Variants in ATP6V1H observed in about 807,000 individuals in gnomAD.
ATP6V1H encodes the protein V-type proton ATPase subunit H.
Under a neutral mutation model 71.7 loss-of-function variants are expected in ATP6V1H, and 39 were observed. The observed-to-expected ratio is 0.54, with a 90% confidence interval of 0.42 to 0.71. ATP6V1H has a LOEUF of 0.71. ATP6V1H is among the 30% of genes least tolerant of loss of function. ATP6V1H has a pLI of 0.00. For missense variants in ATP6V1H, 509 were observed against 594.9 expected (o/e 0.86, Z 1.50); for synonymous variants, 192 against 199.3 (o/e 0.96, Z 0.31).
At chr8:53,779,964 G>C (rs559646610) in intron 9 of ATP6V1H, among the ~76,000 whole-genome samples, 44 of 152,152 alleles carry the variant, frequency 2.9e-4, no homozygotes, top group Non-Finnish European at 5.6e-4. Flanking sequence ...TTCTAGACCA[G>C]CCTGGCCAAC....
chr8:53,746,928 G>A (rs553548542), intron 12 of ATP6V1H, among the ~76,000 whole-genome samples: 1 of 152,140 alleles, frequency 6.6e-6, no homozygotes, highest in Non-Finnish European at 1.5e-5. Flanking sequence ...TTCAAAACAA[G>A]TTAAGTCAAT....
intron 13 of ATP6V1H, among the ~76,000 whole-genome samples, chr8:53,728,328 A>G (rs1256768810): frequency 6.6e-6 from 1 of 152,226 alleles, no homozygotes; most frequent in African/African-American, 2.4e-5. Context: ...AAGGGGGCAC[A>G]TGCAGACTCA....
intron 2 of ATP6V1H, among the ~76,000 whole-genome samples, chr8:53,840,546 C>G (rs1811313184): frequency 6.6e-6 from 1 of 151,856 alleles, no homozygotes; most frequent in African/African-American, 2.4e-5. Flanking sequence ...ATACATCTGA[C>G]TTCCCTACTA....
At chr8:53,818,885 A>G (rs1178374781) in intron 4 of ATP6V1H, among the ~76,000 whole-genome samples, 1 of 152,200 alleles carries the variant, frequency 6.6e-6, no homozygotes, top group Non-Finnish European at 1.5e-5. Context: ...CCATGCAACT[A>G]AAATTTTACA....
At chr8:53,724,529 T>C (rs1197188587) in intron 13 of ATP6V1H, among the ~76,000 whole-genome samples, 1 of 151,686 alleles carries the variant, frequency 6.6e-6, no homozygotes, top group East Asian at 1.9e-4. Flanking sequence ...ATGGAAGTGT[T>C]GAGAGGCAAC....
At chr8:53,782,892 C>G (rs1809212758) in intron 9 of ATP6V1H, among the ~76,000 whole-genome samples, 1 of 152,116 alleles carries the variant, frequency 6.6e-6, no homozygotes, top group South Asian at 2.1e-4. Context: ...GGGATGAAGC[C>G]CACTTGATCA....
chr8:53,770,840 A>G (rs2130316081), intron 10 of ATP6V1H, among the ~76,000 whole-genome samples: 1 of 152,382 alleles, frequency 6.6e-6, no homozygotes, highest in Non-Finnish European at 1.5e-5. Context: ...AGTTTTTAAT[A>G]AACATAGGAA....
Position 53,751,586 on chromosome 8 carries a change from G to T in ATP6V1H, c.1277+4969C>A, listed in dbSNP as rs138426226. On this transcript the variant is annotated intron_variant, in intron 12 of 13. Transcript: ENST00000359530. ...CTTCTTCACTGGCATTATTTTTACTGAGGTAATAGAAAATGGTCACTGTTA... is the reference window on the plus strand; with the variant it reads ...CTTCTTCACTGGCATTATTTTTACTTAGGTAATAGAAAATGGTCACTGTTA... Among the ~76,000 whole-genome samples, 623 of 152,236 alleles carry T rather than the reference G, an allele frequency of 4.1e-3. 1 individual carries two copies. The highest frequency in any genetic ancestry group is 0.014 in the African/African-American group (590 of 41,532).
At chr8:53,768,181 G>T (rs2130305965) in intron 11 of ATP6V1H, among the ~76,000 whole-genome samples, 1 of 152,248 alleles carries the variant, frequency 6.6e-6, no homozygotes, top group African/African-American at 2.4e-5. Context: ...CACATGAAAA[G>T]ATGCTTGACA....
intron 13 of ATP6V1H, among the ~76,000 whole-genome samples, chr8:53,726,798 G>A (rs1342826944): frequency 6.6e-6 from 1 of 152,028 alleles, no homozygotes; most frequent in Non-Finnish European, 1.5e-5. Context: ...GCTCCCTCCT[G>A]CTATCTGTGG....
chr8:53,829,832 G>A (rs1810948666), intron 3 of ATP6V1H, among the ~76,000 whole-genome samples: 1 of 152,110 alleles, frequency 6.6e-6, no homozygotes, highest in Admixed American at 6.6e-5. Context: ...AAGTTATATA[G>A]GCAATCAAAA....
intron 2 of ATP6V1H, chr8:53,839,881 A>G (rs978501823): frequency 1.0e-6 from 1 of 985,304 alleles, no homozygotes; most frequent in African/African-American, 1.7e-5. Context: ...ATCAAGTCCA[A>G]ACTCCTTCCA....
chr8:53,832,888 T>C (rs978249332), intron 3 of ATP6V1H, 96 bp downstream of exon 3: 3 of 745,476 alleles, frequency 4.0e-6, no homozygotes, highest in Non-Finnish European at 4.5e-6. Context: ...CTTTCCAAAT[T>C]AGCAAGAAAA....
intron 4 of ATP6V1H, among the ~76,000 whole-genome samples, chr8:53,828,612 A>G (rs1462287710): frequency 6.6e-6 from 1 of 152,128 alleles, no homozygotes; most frequent in South Asian, 2.1e-4. Flanking sequence ...CCTGATATTG[A>G]TCCTTCCTCA....
At chr8:53,754,499 A>C (rs1807921216) in intron 12 of ATP6V1H, among the ~76,000 whole-genome samples, 1 of 152,154 alleles carries the variant, frequency 6.6e-6, no homozygotes, top group Non-Finnish European at 1.5e-5. Context: ...CCTGGACTCA[A>C]CCACCTAAAC....
In ATP6V1H at chr8:53,820,038, A is replaced by G. The variant is rs145910846; in HGVS notation, c.307-2508T>C. Among the ~76,000 whole-genome samples, 344 of 152,114 alleles carry G rather than the reference A, an allele frequency of 2.3e-3. 2 individuals carry two copies. Among genetic ancestry groups the G allele is most frequent in the African/African-American group, 7.9e-3 (327 of 41,522 alleles). ...ATAATAAAAGAAACACCAAATCCCA[A>G]CAAAAGCTATCTCTCATACTCCATC... is the stretch of plus-strand genomic sequence containing the variant. On this transcript the variant is annotated intron_variant, in intron 4 of 13. Transcript: ENST00000359530.
chr8:53,834,316 T>A (rs1199738568), intron 2 of ATP6V1H, among the ~76,000 whole-genome samples: 1 of 152,192 alleles, frequency 6.6e-6, no homozygotes, highest in African/African-American at 2.4e-5. Flanking sequence ...TGAAAAAATA[T>A]AAGAAAAAGC....
intron 13 of ATP6V1H, among the ~76,000 whole-genome samples, chr8:53,737,888 ATTCCTCAGGTTT>A (rs1445872525): frequency 2.6e-5 from 4 of 152,188 alleles, no homozygotes; most frequent in African/African-American, 9.7e-5. Flanking sequence ...TTTTTGGTCA[ATTCCTCAGGTTT>A]TTACTACTGA....
At chr8:53,731,603 G>A (rs758641942) in intron 13 of ATP6V1H, among the ~76,000 whole-genome samples, 1 of 152,118 alleles carries the variant, frequency 6.6e-6, no homozygotes, top group Non-Finnish European at 1.5e-5. Flanking sequence ...AGAGCTGTAA[G>A]CCCTTAAAAG....
Sources: gnomAD v4.1 joint callset for allele counts (sites outside exome capture counted in the v4.1 genomes callset) on GRCh38, gnomAD v4.1.1 for gene constraint, MANE v1.5 for transcripts, NCBI Gene and HGNC (gene_info 2026-07-23, HGNC 2026-07-21) for gene names.